B3GNT7: variants seen among roughly 807,000 people sequenced by gnomAD.
B3GNT7 encodes BGnT-7.
A neutral mutation model predicts 5.1 loss-of-function variants in B3GNT7; 9 were observed. The ratio of observed to expected loss-of-function variants is 1.77; its 90% CI spans 1.07 to 3.09. B3GNT7 has a LOEUF of 3.09. Ranked by LOEUF, B3GNT7 falls within the 30% of genes most tolerant of loss-of-function variation. The pLI, the probability that B3GNT7 is intolerant of heterozygous loss-of-function variation, is 0.00. For missense variants in B3GNT7, 468 were observed against 550.8 expected (o/e 0.85, Z 1.50); for synonymous variants, 253 against 248.6 (o/e 1.02, Z -0.17).
At position 231,395,820 on chromosome 2, in the gene B3GNT7, T is replaced by TGGGGCG; in HGVS notation, c.11+11_11+12insGGGGGC. 8.6e-7 allele frequency: 1 copy of TGGGGCG among 1,161,642 alleles called. No homozygotes were observed. The highest frequency in any genetic ancestry group is 1.1e-6 in the Non-Finnish European group (1 of 943,508). 72.0% of individuals were successfully genotyped at this position (1,161,642 alleles called of 1,614,324 possible). Reference sequence around the variant, plus strand: ...CGGGCCGCCATGTCGCTGTGGTGAGTGGGGCTGGGGGCCGTCGGGGGCCTG... The same window carrying TGGGGCG: ...CGGGCCGCCATGTCGCTGTGGTGAGTGGGGCGGGGGCTGGGGGCCGTCGGGGGCCTG... On this transcript the variant is annotated splice_region_variant and intron_variant, in intron 1 of 1. Coordinates refer to ENST00000287590, the MANE Select transcript of B3GNT7 (RefSeq NM_145236.3). The surrounding 1 kb of genome is among the most constrained non-coding windows in gnomAD (Gnocchi z 7.3).
chr2:231,398,066 A>G lies in B3GNT7; in HGVS notation c.347A>G (p.His116Arg). 1 of 1,610,912 alleles carries G rather than the reference A, an allele frequency of 6.2e-7. No individual in the cohort carries two copies. The highest frequency in any genetic ancestry group is 2.2e-5 in the East Asian group (1 of 44,886). The change falls in exon 2 of 2, where the codon CAC becomes CGC. Residue 116 changes from histidine to arginine, a missense_variant. Coordinates refer to ENST00000287590, the MANE Select transcript of B3GNT7 (RefSeq NM_145236.3). Reference protein sequence around the residue: ...PQFRQFLFYRHCRYFPMLLNH... With the variant: ...PQFRQFLFYRRCRYFPMLLNH... ...TTCCGGCAGTTTCTCTTCTACCGCC[A>G]CTGCCGCTACTTCCCCATGCTGCTG...
chr2:231,397,585 AC>A, intron 1 of B3GNT7, 145 bp from the exon 2 acceptor site: 1 of 746,890 alleles, frequency 1.3e-6, no homozygotes, highest in South Asian at 2.1e-5. Flanking sequence ...GCGGGACCCT[AC>A]CCTGACAGCT....
Position 231,399,003 on chromosome 2 carries a change from C to A in B3GNT7, c.*78C>A. The A allele has an allele frequency of 7.7e-7, 1 of 1,292,826 alleles. No individual in the cohort carries two copies. Among genetic ancestry groups the A allele is most frequent in the South Asian group, 1.5e-5 (1 of 66,582 alleles). 80.1% of individuals were successfully genotyped at this position (1,292,826 alleles called of 1,614,324 possible). ...GTATTGGGGCTGGAGCCACAGTGCC[C>A]AGGCCTAGCCTTTGGTCCCCAAGGG... On this transcript the variant is annotated 3_prime_UTR_variant, in exon 2 of 2. Coordinates refer to ENST00000287590, the MANE Select transcript of B3GNT7 (RefSeq NM_145236.3).
chr2:231,395,728 G>C lies in B3GNT7; in HGVS notation c.-76G>C. ...GCCCGGTCTCCGTCCCCACCCGCCC[G>C]CCGTCCCGCCGGCCCGAGCCGTGGC... On this transcript the variant is annotated 5_prime_UTR_variant, in exon 1 of 2. Transcript: ENST00000287590. The surrounding 1 kb of genome is among the most constrained non-coding windows in gnomAD (Gnocchi z 7.3). 1 of 1,141,642 alleles carries C rather than the reference G, an allele frequency of 8.8e-7. No homozygotes were observed. The highest frequency in any genetic ancestry group is 1.1e-6 in the Non-Finnish European group (1 of 930,440). 70.7% of individuals were successfully genotyped at this position (1,141,642 alleles called of 1,614,324 possible).
At chr2:231,397,667 G>C (rs2046526241) in intron 1 of B3GNT7, 64 bp from the exon 2 acceptor site, 1 of 1,459,520 alleles carries the variant, frequency 6.9e-7, no homozygotes, top group African/African-American at 1.4e-5. Context: ...TCCCAAGGGG[G>C]GCGCCAGGAG....
intron 1 of B3GNT7, among the ~76,000 whole-genome samples, chr2:231,396,260 C>T (rs1185292444): frequency 6.6e-6 from 1 of 152,150 alleles, no homozygotes; most frequent in Non-Finnish European, 1.5e-5. Flanking sequence ...CCCGGGCTTT[C>T]CCTACGAATG....
rs1389651786 is a variant in B3GNT7 at position 231,398,910 on chromosome 2, G to A, written c.1191G>A (p.Lys397=). Residue 397 remains lysine, a synonymous_variant, in exon 2 of 2, where the codon AAG becomes AAA. Transcript: ENST00000287590. ...LVHSNLTCSR[K]LQVL is the part of the protein sequence containing the mutation. ...ACAGCAATCTCACCTGCTCCCGCAA[G>A]CTCCAGGTGCTCTGACCCCAGCCGG... 3 of 1,578,998 alleles carry A rather than the reference G, an allele frequency of 1.9e-6. No homozygotes were observed. Among genetic ancestry groups the A allele is most frequent in the Non-Finnish European group, 2.6e-6 (3 of 1,170,738 alleles).
rs375071671 is a variant in B3GNT7 at position 231,397,979 on chromosome 2, C to G, written c.260C>G (p.Thr87Ser). The change falls in exon 2 of 2, where the codon ACT becomes AGT. Residue 87 changes from threonine (T) to serine (S), a missense_variant. By Grantham distance (58) the Thr-to-Ser change is moderately conservative. Transcript: ENST00000287590. ...QGPQAWDVTT[T>S]NCSANINLTH... The stretch of plus-strand genomic sequence containing the variant: ...CCCCAGGCCTGGGACGTGACCACCA[C>G]TAACTGCTCAGCCAATATCAACTTG... 1 of 1,611,990 alleles carries G rather than the reference C, an allele frequency of 6.2e-7. No individual in the cohort carries two copies.
intron 1 of B3GNT7, chr2:231,397,208 A>G (rs2125612959): frequency 1.0e-6 from 1 of 985,712 alleles, no homozygotes; most frequent in Non-Finnish European, 1.2e-6. Context: ...GGCACAGAGG[A>G]TCAGAGGGTG....
In B3GNT7 at chr2:231,397,318, C is replaced by T. The variant is rs532528919; in HGVS notation, c.12-413C>T. The T allele has an allele frequency of 2.3e-5, 22 of 956,832 alleles. No individual in the cohort carries two copies. In the Admixed American group the frequency reaches 2.9e-4, roughly 13 times the overall value. 59.3% of individuals were successfully genotyped at this position (956,832 alleles called of 1,614,324 possible). A position where few individuals can be genotyped will look rare whatever the true frequency, so the allele number is the denominator to read the frequency against. ...AAATGAAAGGCATTGGGGTTCCAGG[C>T]GTGGGGAACAGGGCAGAGGTTTCCA... On this transcript the variant is annotated intron_variant, in intron 1 of 1. Transcript: ENST00000287590.
At chr2:231,396,004 G>A (rs1364846189) in intron 1 of B3GNT7, among the ~76,000 whole-genome samples, 190 bp downstream of exon 1, 4 of 151,806 alleles carry the variant, frequency 2.6e-5, no homozygotes, top group Admixed American at 2.6e-4. Context: ...GATGTTCGCG[G>A]TACGCGGCCC....
rs369896262 is a variant in B3GNT7, at chr2:231,398,497, C to T, written c.778C>T (p.Gln260Ter). The T allele has an allele frequency of 4.3e-6, 7 of 1,613,734 alleles. No individual in the cohort carries two copies. Among genetic ancestry groups the T allele is most frequent in the Non-Finnish European group, 5.9e-6 (7 of 1,179,896 alleles). The change falls in exon 2 of 2, where the codon CAG becomes TAG. Residue 260 changes from glutamine to a stop codon, truncating the protein, a stop_gained. Coordinates refer to ENST00000287590, the MANE Select transcript of B3GNT7 (RefSeq NM_145236.3). LOFTEE classifies it low-confidence loss of function (END_TRUNC). ...LLEFLADRQP[Q>*]ENLFVGDVLQ... The stretch of plus-strand genomic sequence containing the variant: ...AGAATTTCTGGCTGACCGGCAGCCA[C>T]AGGAAAACCTGTTCGTGGGCGATGT...
In B3GNT7 at chr2:231,397,973, C is replaced by T; in HGVS notation, c.254C>T (p.Thr85Ile). 6.2e-7 allele frequency: 1 copy of T among 1,612,142 alleles called. No homozygotes were observed. The highest frequency in any genetic ancestry group is 1.1e-5 in the South Asian group (1 of 91,088). The stretch of plus-strand genomic sequence containing the variant: ...CAGGGGCCCCAGGCCTGGGACGTGA[C>T]CACCACTAACTGCTCAGCCAATATC... ...ASQGPQAWDVTTTNCSANINL... is the reference protein window; with the variant it reads ...ASQGPQAWDVITTNCSANINL... Residue 85 changes from threonine to isoleucine, a missense_variant, in exon 2 of 2, where the codon ACC (threonine) becomes ATC (isoleucine). Transcript: ENST00000287590.
At chr2:231,397,259 G>A (rs1021285311) in intron 1 of B3GNT7, 11 of 987,416 alleles carry the variant, frequency 1.1e-5, no homozygotes, top group African/African-American at 1.7e-5. Flanking sequence ...TAATGATACC[G>A]ATACCTACTG....
Position 231,400,010 on chromosome 2 carries a change from G to T in B3GNT7, c.*1085G>T, listed in dbSNP as rs1420536186. 6.6e-6 allele frequency: 1 copy of T among 152,024 alleles called. No homozygotes were observed. Among genetic ancestry groups the T allele is most frequent in the Non-Finnish European group, 1.5e-5 (1 of 68,086 alleles). 9.4% of individuals were successfully genotyped at this position (152,024 alleles called of 1,614,324 possible). A position where few individuals can be genotyped will look rare whatever the true frequency, so the allele number is the denominator to read the frequency against. Reference sequence around the variant, plus strand: ...AGGGATGGATCAGCTGTGGGGGTGGGTGCAGAAGGTTGCCACCTCCTACCT... The same window carrying T: ...AGGGATGGATCAGCTGTGGGGGTGGTTGCAGAAGGTTGCCACCTCCTACCT... On this transcript the variant is annotated 3_prime_UTR_variant, in exon 2 of 2. Transcript: ENST00000287590.
rs114509189 is a variant in B3GNT7 at position 231,399,603 on chromosome 2, T to C, written c.*678T>C. The C allele has an allele frequency of 0.02, 3,074 of 152,258 alleles. 87 individuals are homozygous for C. Among genetic ancestry groups the C allele is most frequent in the African/African-American group, 0.056 (2,328 of 41,448 alleles). 9.4% of individuals were successfully genotyped at this position (152,258 alleles called of 1,614,324 possible). On this transcript the variant is annotated 3_prime_UTR_variant, in exon 2 of 2. Coordinates refer to ENST00000287590, the MANE Select transcript of B3GNT7 (RefSeq NM_145236.3). Reference sequence around the variant, plus strand: ...CAGAATCTCCCTGGGGCTGCAGCCCTACCCCACCCCGACACAGGGCAGAAG... The same window carrying C: ...CAGAATCTCCCTGGGGCTGCAGCCCCACCCCACCCCGACACAGGGCAGAAG...
Position 231,398,044 on chromosome 2 carries a change from C to A in B3GNT7, c.325C>A (p.Arg109=). ...GTTCCAGGTCCTGGAGCCGCAGTTC[C>A]GGCAGTTTCTCTTCTACCGCCACTG... The part of the protein sequence containing the change: ...PWFQVLEPQF[R]QFLFYRHCRY... Residue 109 remains arginine, a synonymous_variant, in exon 2 of 2, where the codon CGG becomes AGG. Transcript: ENST00000287590. The A allele has an allele frequency of 6.2e-7, 1 of 1,610,140 alleles. No individual in the cohort carries two copies.
chr2:231,398,606 C>T lies in B3GNT7; in HGVS notation c.887C>T (p.Pro296Leu), dbSNP rs1423333726. ...CTGTACGGCAAGGCCAGCTATCCGCCGTATGCAGGCGGCGGTGGCTTCCTC... is the reference window on the plus strand; with the variant it reads ...CTGTACGGCAAGGCCAGCTATCCGCTGTATGCAGGCGGCGGTGGCTTCCTC... ...GALYGKASYP[P>L]YAGGGGFLMA... The change falls in exon 2 of 2, where the codon CCG becomes CTG. Residue 296 changes from proline to leucine, a missense_variant. Physicochemically the swap from Pro to Leu is moderately conservative, Grantham distance 98. Transcript: ENST00000287590. The T allele has an allele frequency of 6.2e-7, 1 of 1,612,608 alleles. No individual in the cohort carries two copies.
At position 231,395,847 on chromosome 2, in the gene B3GNT7, G is replaced by A; in HGVS notation, c.11+33G>A. On this transcript the variant is annotated intron_variant, in intron 1 of 1. Coordinates refer to ENST00000287590, the MANE Select transcript of B3GNT7 (RefSeq NM_145236.3). This position sits in a 1 kb window ranked among gnomAD's most constrained non-coding sequence, Gnocchi z 7.3. ...GGGCTGGGGGCCGTCGGGGGCCTGG[G>A]CGGGGGCGTGGGCCCGGGGCTCCCC... 1 of 1,155,158 alleles carries A rather than the reference G, an allele frequency of 8.7e-7. No individual in the cohort carries two copies. The highest frequency in any genetic ancestry group is 1.1e-6 in the Non-Finnish European group (1 of 936,746). The allele number at this position is 1,155,158 out of a possible 1,614,324, so 71.6% of individuals were successfully genotyped here.
Sources: allele counts gnomAD v4.1 joint callset (sites outside exome capture counted in the v4.1 genomes callset), GRCh38; gene constraint gnomAD v4.1.1; non-coding constraint Gnocchi (gnomAD v3.1); transcripts MANE v1.5; gene names NCBI Gene and HGNC (gene_info 2026-07-23, HGNC 2026-07-21).